Variants in SPAG5 observed in about 807,000 individuals in gnomAD.
The protein encoded by SPAG5 is sperm-associated antigen 5.
A neutral mutation model predicts 145.4 loss-of-function variants in SPAG5; 99 were observed. The ratio of observed to expected loss-of-function variants is 0.68; its 90% CI spans 0.58 to 0.80. The LOEUF (loss-of-function observed/expected upper bound fraction) is 0.80, where lower values mean the gene tolerates loss of function less well. Ranked by LOEUF, SPAG5 falls within the 30% of genes least tolerant of loss-of-function variation. The pLI is 0.00. For missense variants in SPAG5, 1,192 were observed against 1,416.0 expected, an observed-to-expected ratio of 0.84 and a Z score of 2.54; for synonymous variants, 477 against 525.4, an observed-to-expected ratio of 0.91 and a Z score of 1.26.
rs758665598 is a variant in SPAG5, at chr17:28,578,265, C to G, written c.3382G>C (p.Glu1128Gln). The G allele has an allele frequency of 6.2e-7, 1 of 1,614,176 alleles. No homozygotes were observed. ...EVDKLRVMFLEMKNEKEKLMI... is the reference protein window; with the variant it reads ...EVDKLRVMFLQMKNEKEKLMI... ...AGTTTTTCCTTCTCATTTTTCATCT[C>G]CAGGAACATCACTCTCAGTTTGTCC... Residue 1128 changes from glutamate (E) to glutamine (Q), a missense_variant, in exon 22 of 24, where the codon GAG becomes CAG. Physicochemically the swap from Glu to Gln is conservative, Grantham distance 29. Transcript: ENST00000321765.
At chr17:28,578,604 C>G in intron 20 of SPAG5, 68 bp downstream of exon 20, 2 of 1,610,016 alleles carry the variant, frequency 1.2e-6, no homozygotes, top group Non-Finnish European at 1.7e-6. Context: ...CAAACCATTT[C>G]TCATACTTGG....
In SPAG5 at chr17:28,584,173, G is replaced by C. The variant is rs771151183; in HGVS notation, c.2389C>G (p.Arg797Gly). ...ACCTCCAAGGTCTCTTTCAGGTCCCGCACCTCTTTGGCCAGGACAGCTTGT... is the reference window on the plus strand; with the variant it reads ...ACCTCCAAGGTCTCTTTCAGGTCCCCCACCTCTTTGGCCAGGACAGCTTGT... ...QQQAVLAKEV[R>G]DLKETLEFAD... The change falls in exon 13 of 24, where the codon CGG (arginine) becomes GGG (glycine). Residue 797 changes from arginine to glycine, a missense_variant. Transcript: ENST00000321765. 1.2e-6 allele frequency: 2 copies of C among 1,613,946 alleles called. No individual in the cohort carries two copies. Among genetic ancestry groups the C allele is most frequent in the Non-Finnish European group, 8.5e-7 (1 of 1,180,030 alleles).
intron 15 of SPAG5, chr17:28,580,400 A>G (rs558543721): frequency 1.2e-4 from 23 of 196,926 alleles, no homozygotes; most frequent in Admixed American, 8.3e-4. Context: ...GAAAGAAAGG[A>G]AAGAAAGAAA....
At position 28,578,485 on chromosome 17, in the gene SPAG5, C is replaced by T. The variant is rs116685424; in HGVS notation, c.3242G>A (p.Arg1081His). Reference sequence around the variant, plus strand: ...GAGCACTTTGGTCTCTGTCTCCGCACGCCGAAGTGAGCGGGTAAGGTGGGT... The same window carrying T: ...GAGCACTTTGGTCTCTGTCTCCGCATGCCGAAGTGAGCGGGTAAGGTGGGT... ...EVTHLTRSLR[R>H]AETETKVLQE... The change falls in exon 21 of 24, where the codon CGT (arginine) becomes CAT (histidine). Residue 1081 changes from arginine to histidine, a missense_variant. Arg to His is a conservative substitution (Grantham distance 29). Transcript: ENST00000321765. The T allele has an allele frequency of 2.0e-5, 33 of 1,612,774 alleles. No individual in the cohort carries two copies. Among genetic ancestry groups the T allele is most frequent in the Middle Eastern group, 1.6e-4 (1 of 6,062 alleles).
At position 28,578,226 on chromosome 17, in the gene SPAG5, G is replaced by A. The variant is rs760719284; in HGVS notation, c.3421C>T (p.Gln1141Ter). Residue 1141 changes from glutamine (Q) to a stop codon, truncating the protein, a stop_gained, in exon 22 of 24, where the codon CAG becomes TAG. Coordinates refer to ENST00000321765, the MANE Select transcript of SPAG5 (RefSeq NM_006461.4). LOFTEE classifies it high-confidence loss of function. The part of the protein sequence containing the change: ...NEKEKLMIKF[Q>*]SHRNILEENL... ...GGCATGGACATTCTTACATGGCTCT[G>A]GAACTTGATCATGAGTTTTTCCTTC... The A allele has an allele frequency of 1.9e-6, 3 of 1,614,054 alleles. No individual in the cohort carries two copies. The highest frequency in any genetic ancestry group is 1.3e-5 in the African/African-American group (1 of 74,938).
At chr17:28,585,788 A>C in intron 7 of SPAG5, 76 bp downstream of exon 7, 1 of 1,610,682 alleles carries the variant, frequency 6.2e-7, no homozygotes. Context: ...ATCTGTGTCT[A>C]AAGTGCATTT....
intron 2 of SPAG5, among the ~76,000 whole-genome samples, chr17:28,593,723 CA>C (rs544637496): frequency 3.4e-5 from 5 of 145,142 alleles, no homozygotes; most frequent in Non-Finnish European, 3.0e-5. Context: ...AACCCTGTCT[CA>C]AAAAAAAATA....
Position 28,583,894 on chromosome 17 carries a change from G to A in SPAG5, c.2505C>T (p.Ser835=), listed in dbSNP as rs2070565387. Residue 835 remains serine (S), a synonymous_variant, in exon 14 of 24, where the codon AGC becomes AGT. Transcript: ENST00000321765. ...KTTLEVLRER[S]LQCENLKDTV... is the part of the protein sequence containing the mutation. ...TGTCCTTGAGGTTCTCACACTGCAAGCTGCGCTCCCGGAGCACTTCCAGTG... is the reference window on the plus strand; with the variant it reads ...TGTCCTTGAGGTTCTCACACTGCAAACTGCGCTCCCGGAGCACTTCCAGTG... The A allele has an allele frequency of 1.2e-6, 2 of 1,614,068 alleles. No individual in the cohort carries two copies. The highest frequency in any genetic ancestry group is 1.7e-6 in the Non-Finnish European group (2 of 1,180,024).
rs1486376847 is a variant in SPAG5 at position 28,585,547 on chromosome 17, G to T, written c.1847C>A (p.Ala616Asp). ...MREFRGLLKD[A>D]QTQLVGLHAK... Reference sequence around the variant, plus strand: ...CCCTTAAATTACCAGTTGGGTCTGGGCATCCTTCAGAAGGCCTCTGAATTC... The same window carrying T: ...CCCTTAAATTACCAGTTGGGTCTGGTCATCCTTCAGAAGGCCTCTGAATTC... The change falls in exon 8 of 24, where the codon GCC (alanine) becomes GAC (aspartate). Residue 616 changes from alanine to aspartate, a missense_variant. By Grantham distance (126) the Ala-to-Asp change is moderately radical. Around this residue, in one of 5 missense-constraint regions of SPAG5, gnomAD observed 709 missense variants for 840.7 expected, o/e 0.84. Transcript: ENST00000321765. The T allele has an allele frequency of 6.2e-7, 1 of 1,613,876 alleles. No individual in the cohort carries two copies. The highest frequency in any genetic ancestry group is 1.3e-5 in the African/African-American group (1 of 74,916).
At chr17:28,583,703 C>A (rs1295243316) in intron 14 of SPAG5, 54 bp from the exon 15 acceptor site, 1 of 1,558,892 alleles carries the variant, frequency 6.4e-7, no homozygotes, top group African/African-American at 1.4e-5. Context: ...TCTCTGAACG[C>A]CTATCCCAAA....
rs530955740 is a variant in SPAG5, at chr17:28,594,151, G to C, written c.178-1085C>G. ...AGAAAACTACCCTAATGAAAGACCT[G>C]AGTTTGCACATTAAAATGGCTCACC... On this transcript the variant is annotated intron_variant, in intron 2 of 23. Coordinates refer to ENST00000321765, the MANE Select transcript of SPAG5 (RefSeq NM_006461.4). Among the ~76,000 whole-genome samples, 111 of 152,174 alleles carry C rather than the reference G, an allele frequency of 7.3e-4. 1 individual carries two copies. Among genetic ancestry groups the C allele is most frequent in the African/African-American group, 2.5e-3 (105 of 41,534 alleles).
Position 28,586,202 on chromosome 17 carries a change from T to C in SPAG5, c.1513-20A>G, listed in dbSNP as rs769762745. ...TGATTGCTGTAGAGAAAAAAATGGG[T>C]AGGTGAGATCAAATAAAGTCACTAA... On this transcript the variant is annotated intron_variant, in intron 5 of 23. Coordinates refer to ENST00000321765, the MANE Select transcript of SPAG5 (RefSeq NM_006461.4). 6.3e-7 allele frequency: 1 copy of C among 1,595,762 alleles called. No homozygotes were observed. Among genetic ancestry groups the C allele is most frequent in the Non-Finnish European group, 8.6e-7 (1 of 1,163,548 alleles).
At position 28,585,141 on chromosome 17, in the gene SPAG5, G is replaced by A; in HGVS notation, c.2028C>T (p.Ala676=). The change falls in exon 10 of 24, where the codon GCC becomes GCT. Residue 676 remains alanine, a synonymous_variant. Coordinates refer to ENST00000321765, the MANE Select transcript of SPAG5 (RefSeq NM_006461.4). ...CAATTGCCACATCACGTTCCTGCAGGGCTTGCTGGCTCTTGACTGTGAGTT... is the reference window on the plus strand; with the variant it reads ...CAATTGCCACATCACGTTCCTGCAGAGCTTGCTGGCTCTTGACTGTGAGTT... ...TEKLTVKSQQ[A]LQERDVAIEE... is the part of the protein sequence containing the mutation. 6.2e-7 allele frequency: 1 copy of A among 1,614,164 alleles called. No homozygotes were observed. The highest frequency in any genetic ancestry group is 8.5e-7 in the Non-Finnish European group (1 of 1,180,022).
At chr17:28,598,453 C>T (rs749872716) in intron 2 of SPAG5, 57 bp downstream of exon 2, 1 of 1,585,066 alleles carries the variant, frequency 6.3e-7, no homozygotes, top group Admixed American at 1.8e-5. Context: ...CTCTGTTCCC[C>T]TGAGCTCTCA....
Position 28,579,748 on chromosome 17 carries a change from A to C in SPAG5, c.2884+3T>G. ...AGGCAGGATCCCTGGAGCCCCTCCT[A>C]ACCTGCGGGCTGAAGGGAAACCATT... On this transcript the variant is annotated splice_donor_region_variant and intron_variant, in intron 17 of 23. Transcript: ENST00000321765. 6.2e-7 allele frequency: 1 copy of C among 1,613,506 alleles called. No homozygotes were observed. The highest frequency in any genetic ancestry group is 1.1e-5 in the South Asian group (1 of 91,070).
intron 15 of SPAG5, among the ~76,000 whole-genome samples, chr17:28,583,140 G>A (rs2070559357): frequency 6.6e-6 from 1 of 152,074 alleles, no homozygotes; most frequent in Non-Finnish European, 1.5e-5. Context: ...ACTACACCTG[G>A]GCTAATTTCT....
At position 28,592,479 on chromosome 17, in the gene SPAG5, T is replaced by G. The variant is rs143102475; in HGVS notation, c.765A>C (p.Ala255=). ...CCACATGATTGACACGGAAATCTGC[T>G]GCCAAGGCAGTTGAAGGGGAAAGCC... ...VLWLSPSTAL[A]ADFRVNHVDP... is the part of the protein sequence containing the mutation. The change falls in exon 3 of 24, where the codon GCA becomes GCC. Residue 255 remains alanine (A), a synonymous_variant. Coordinates refer to ENST00000321765, the MANE Select transcript of SPAG5 (RefSeq NM_006461.4). The G allele has an allele frequency of 9.3e-4, 1,500 of 1,613,916 alleles. 6 individuals carry two copies. Among genetic ancestry groups the G allele is most frequent in the Middle Eastern group, 7.9e-3 (48 of 6,062 alleles).
At chr17:28,578,125 T>C in intron 22 of SPAG5, 35 bp from the exon 23 acceptor site, 1 of 1,611,504 alleles carries the variant, frequency 6.2e-7, no homozygotes, top group Non-Finnish European at 8.5e-7. Context: ...GTCCTATGCA[T>C]AAAAGAGCAA....
At chr17:28,583,047 G>A (rs1215125407) in intron 15 of SPAG5, among the ~76,000 whole-genome samples, 1 of 152,130 alleles carries the variant, frequency 6.6e-6, no homozygotes, top group East Asian at 1.9e-4. Context: ...GTATGATCAT[G>A]GCTCACTGCA....
Sources: gnomAD v4.1 joint callset for allele counts (sites outside exome capture counted in the v4.1 genomes callset) on GRCh38, gnomAD v4.1.1 for gene constraint, gnomAD v4.1.1 regional missense constraint, MANE v1.5 for transcripts, NCBI Gene and HGNC (gene_info 2026-07-23, HGNC 2026-07-21) for gene names.